The following GPHN variants were observed in gnomAD, a reference collection of about 807,000 sequenced individuals.
The protein encoded by GPHN is gephyrin.
GPHN carries 17 observed loss-of-function variants against 95.5 expected under a neutral mutation model. The observed-to-expected ratio is 0.18, with a 90% CI of 0.12 to 0.27. The LOEUF is 0.27. Among genes scored for constraint, GPHN ranks in the 10% least tolerant of loss-of-function variants. GPHN has a pLI of 1.00. For missense variants in GPHN, 660 were observed against 978.1 expected (o/e 0.67, Z 4.34); for synonymous variants, 320 against 322.5 (o/e 0.99, Z 0.08).
chr14:66,636,454 C>T (rs1484723917), intron 1 of GPHN, among the ~76,000 whole-genome samples: 2 of 151,942 alleles, frequency 1.3e-5, no homozygotes, highest in Admixed American at 1.3e-4. Context: ...ACTCAGTCAG[C>T]AGATTCCTTT....
chr14:67,496,677 T>C, the GPHN span, among the ~76,000 whole-genome samples: 2 of 150,802 alleles, frequency 1.3e-5, no homozygotes, highest in Admixed American at 1.3e-4. Context: ...CTTTCCTTCC[T>C]TCCTCCCTCC....
chr14:66,650,598 C>G (rs2064996278), intron 1 of GPHN, among the ~76,000 whole-genome samples: 2 of 152,164 alleles, frequency 1.3e-5, no homozygotes, highest in Admixed American at 1.3e-4. Context: ...TAATGAATCA[C>G]TGTGGTATGC....
chr14:67,077,639 C>A (rs1375044155), intron 11 of GPHN, among the ~76,000 whole-genome samples: 1 of 152,052 alleles, frequency 6.6e-6, no homozygotes, highest in Non-Finnish European at 1.5e-5. Flanking sequence ...CCATTTGAAT[C>A]GATAAAGACT....
chr14:66,559,444 G>C, intron 1 of GPHN, among the ~76,000 whole-genome samples: 1 of 143,190 alleles, frequency 7.0e-6, no homozygotes, highest in Non-Finnish European at 1.5e-5. Context: ...ACTGGTGTGA[G>C]ATGGTATCTC....
chr14:67,621,814 A>C, the GPHN span, among the ~76,000 whole-genome samples: 1 of 151,576 alleles, frequency 6.6e-6, no homozygotes, highest in African/African-American at 2.4e-5. Context: ...ATACCTTTAT[A>C]AGCAGGGTGC....
chr14:66,837,612 TAAAAATA>T (rs954105560), intron 4 of GPHN, among the ~76,000 whole-genome samples: 10 of 126,878 alleles, frequency 7.9e-5, no homozygotes, highest in Non-Finnish European at 1.5e-4. Context: ...AATAAATAAA[TAAAAATA>T]AATAAATAAA....
the GPHN span, among the ~76,000 whole-genome samples, chr14:67,243,492 T>A: frequency 8.1e-4 from 111 of 137,540 alleles, no homozygotes; most frequent in Non-Finnish European, 6.2e-4. Context: ...GAATATAATT[T>A]TTTTTTTTTT....
intron 11 of GPHN, among the ~76,000 whole-genome samples, chr14:67,084,003 G>C (rs2076792938): frequency 6.6e-6 from 1 of 152,164 alleles, no homozygotes; most frequent in African/African-American, 2.4e-5. Flanking sequence ...GTGACTGAGT[G>C]CCTTTTACAT....
intron 1 of GPHN, among the ~76,000 whole-genome samples, chr14:66,543,387 CT>C (rs1449686025): frequency 6.6e-6 from 1 of 151,976 alleles, no homozygotes. Context: ...CTTATACATA[CT>C]TTTTTTTCAC....
chr14:67,099,534 A>G (rs2077579258), intron 12 of GPHN, among the ~76,000 whole-genome samples: 1 of 143,920 alleles, frequency 6.9e-6, no homozygotes, highest in African/African-American at 2.9e-5. Context: ...AAACTGAACA[A>G]TGTAACAGGA....
the GPHN span, among the ~76,000 whole-genome samples, chr14:67,236,190 T>C: frequency 1.3e-5 from 2 of 152,230 alleles, no homozygotes; most frequent in South Asian, 2.1e-4. Flanking sequence ...AACTTATTCC[T>C]CCTAACTGAA....
the GPHN span, among the ~76,000 whole-genome samples, chr14:67,362,208 T>A: frequency 2.0e-5 from 3 of 151,728 alleles, no homozygotes; most frequent in African/African-American, 7.3e-5. Context: ...TTAGTAGAAA[T>A]GGGGTTTCAC....
chr14:67,039,645 T>C (rs2153635372), intron 10 of GPHN, among the ~76,000 whole-genome samples: 1 of 151,988 alleles, frequency 6.6e-6, no homozygotes, highest in Non-Finnish European at 1.5e-5. Flanking sequence ...AATTAAAAAA[T>C]TAGTTGGATG....
At chr14:67,689,588 GAATT>G in the GPHN span, among the ~76,000 whole-genome samples, 21 of 152,236 alleles carry the variant, frequency 1.4e-4, no homozygotes, top group African/African-American at 3.1e-4. Context: ...TATGAAGCCT[GAATT>G]AATTATGACA....
intron 2 of GPHN, among the ~76,000 whole-genome samples, chr14:66,725,866 G>C (rs144757268): frequency 2.9e-3 from 435 of 152,210 alleles, no homozygotes; most frequent in African/African-American, 0.01. Flanking sequence ...ATGCATGCCT[G>C]GTATTGAAAA....
At chr14:67,160,974 A>C (rs1595438105) in intron 19 of GPHN, among the ~76,000 whole-genome samples, 1 of 152,150 alleles carries the variant, frequency 6.6e-6, no homozygotes, top group Non-Finnish European at 1.5e-5. Context: ...GCTGCTGCTG[A>C]TAGGGCCTTT....
At chr14:67,572,186 A>G in the GPHN span, 1 of 1,608,240 alleles carries the variant, frequency 6.2e-7, no homozygotes, top group Non-Finnish European at 8.5e-7. Flanking sequence ...ATCCCCCCGG[A>G]CGCCTGCTCA....
chr14:66,929,416 G>T (rs138486097), intron 8 of GPHN, among the ~76,000 whole-genome samples: 140 of 152,178 alleles, frequency 9.2e-4, no homozygotes, highest in African/African-American at 3.2e-3. Flanking sequence ...GAAGTCTCCA[G>T]CTATTGGCAT....
chr14:67,576,536 G>A, the GPHN span: 8 of 1,042,104 alleles, frequency 7.7e-6, no homozygotes, highest in Admixed American at 3.4e-5. This position sits in a 1 kb window ranked among gnomAD's most constrained non-coding sequence, Gnocchi z 4.0. Context: ...TGCTTGGGTT[G>A]GAGGGTAGTG....
Sources: allele counts gnomAD v4.1 joint callset (sites outside exome capture counted in the v4.1 genomes callset), GRCh38; gene constraint gnomAD v4.1.1; non-coding constraint Gnocchi (gnomAD v3.1); transcripts MANE v1.5; gene names NCBI Gene and HGNC (gene_info 2026-07-23, HGNC 2026-07-21).